ZNF320: variants seen among roughly 807,000 people sequenced by gnomAD.
ZNF320 encodes the protein zinc finger protein 320, also known as zinc finger gene 320.
ZNF320 carries 2 observed loss-of-function variants against 6.8 expected under a neutral mutation model. The ratio of observed to expected loss-of-function variants is 0.29; its 90% CI spans 0.12 to 0.93. ZNF320 has a LOEUF of 0.93. ZNF320 is among the 40% of genes least tolerant of loss of function. The pLI is 0.55. For synonymous variants in ZNF320, 208 were observed against 203.2 expected, an observed-to-expected ratio of 1.02 and a Z score of -0.20; for missense variants, 472 against 611.0, an observed-to-expected ratio of 0.77 and a Z score of 2.40.
upstream of ZNF320, chr19:52,897,842 A>G (rs1441940529): frequency 2.6e-5 from 4 of 151,968 alleles, no homozygotes; most frequent in South Asian, 2.1e-4. Context: ...CCTGGCTGGG[A>G]GAAGAGTCCT....
In ZNF320 at chr19:52,881,920, A is replaced by C; in HGVS notation, c.206T>G (p.Ile69Ser). Residue 69 changes from isoleucine (I) to serine (S), a missense_variant, in exon 6 of 6, where the codon ATC becomes AGC. Ile to Ser is a moderately radical substitution (Grantham distance 142, BLOSUM62 -2). Transcript: ENST00000682928. ...SSTGQGNTEV[I>S]HTGTLQRQAS... is the part of the protein sequence containing the mutation. The stretch of plus-strand genomic sequence containing the variant: ...TTGTCTCTGCAATGTCCCTGTGTGG[A>C]TCACTTCTGTATTGCCTTGCCCTGT... 6.2e-7 allele frequency: 1 copy of C among 1,611,672 alleles called. No homozygotes were observed. Among genetic ancestry groups the C allele is most frequent in the Non-Finnish European group, 8.5e-7 (1 of 1,178,946 alleles).
At chr19:52,860,369 CA>C (rs904891855), downstream of ZNF320, among the ~76,000 whole-genome samples, 3 of 151,996 alleles carry the variant, frequency 2.0e-5, no homozygotes, top group African/African-American at 7.2e-5. Flanking sequence ...AAGGCTGTAC[CA>C]GGGGGATCAC....
chr19:52,882,876 G>T (rs2063965235), intron 5 of ZNF320, among the ~76,000 whole-genome samples: 1 of 151,902 alleles, frequency 6.6e-6, no homozygotes, highest in Non-Finnish European at 1.5e-5. Context: ...GGGAGGCAAA[G>T]ATTGTGGTGA....
rs1206843082 is a variant in ZNF320, at chr19:52,866,148, ATG to A, written c.224-1991_224-1990del. 2.6e-3 allele frequency among the ~76,000 whole-genome samples: 52 copies of A among 20,262 alleles called. 3 individuals carry two copies. Among genetic ancestry groups the A allele is most frequent in the Non-Finnish European group, 3.2e-3 (26 of 8,144 alleles). The allele number at this position is 20,262 out of a possible 152,430, so 13.3% of individuals were successfully genotyped here. On this transcript the variant is annotated intron_variant, in intron 5 of 5. Transcript: ENST00000673631. ...TGTATGATTATACATATATTTATAT[ATG>A]TATGATTATACATATATTTATATAT...
Position 52,868,524 on chromosome 19 carries a change from G to C in ZNF320, c.224-4365C>G, listed in dbSNP as rs896472075. Among the ~76,000 whole-genome samples, 5 of 151,780 alleles carry C rather than the reference G, an allele frequency of 3.3e-5. No individual in the cohort carries two copies. The South Asian group carries it at 8.4e-4, about 25-fold the overall frequency. On this transcript the variant is annotated intron_variant, in intron 5 of 5. Coordinates refer to the ZNF320 transcript ENST00000673631. Reference sequence around the variant, plus strand: ...TCTGTCAAAAAAAAAAAAAAATCTGGAGGCAAATTAACATTATTTCTCAAA... The same window carrying C: ...TCTGTCAAAAAAAAAAAAAAATCTGCAGGCAAATTAACATTATTTCTCAAA...
At chr19:52,886,198 G>A (rs1015700363) in intron 5 of ZNF320, among the ~76,000 whole-genome samples, 6 of 151,954 alleles carry the variant, frequency 3.9e-5, no homozygotes, top group East Asian at 1.9e-4. Context: ...GCAATGGTGC[G>A]ATCTTGGCTC....
chr19:52,880,729 T>C lies in ZNF320; in HGVS notation c.1397A>G (p.Gln466Arg), dbSNP rs765125570. Residue 466 changes from glutamine (Q) to arginine (R), a missense_variant, in exon 6 of 6, where the codon CAG (glutamine) becomes CGG (arginine). This residue lies in a region of ZNF320 where 462 missense variants were observed against 559.7 expected (regional missense o/e 0.83). Transcript: ENST00000682928. ...ACACTGATGACATTTGTAAGATTTCTGTCCAGTATGGATTCTCTGATGCCT... is the reference window on the plus strand; with the variant it reads ...ACACTGATGACATTTGTAAGATTTCCGTCCAGTATGGATTCTCTGATGCCT... ...LIRHQRIHTG[Q>R]KSYKCHQCGK... is the part of the protein sequence containing the mutation. The C allele has an allele frequency of 1.9e-6, 3 of 1,613,868 alleles. No individual in the cohort carries two copies. The African/African-American group carries it at 4.0e-5, about 22-fold the overall frequency.
intron 1 of ZNF320, among the ~76,000 whole-genome samples, chr19:52,896,566 C>T (rs1014727471): frequency 6.6e-6 from 1 of 151,956 alleles, no homozygotes; most frequent in Non-Finnish European, 1.5e-5. Context: ...AAAATTAGCG[C>T]GGTGTGGTGG....
At chr19:52,874,205 G>A (rs577922483), downstream of ZNF320, 14 of 188,204 alleles carry the variant, frequency 7.4e-5, no homozygotes, top group South Asian at 6.0e-4. Context: ...GAGATTATGC[G>A]GAGATAAGAA....
chr19:52,870,401 C>A (rs2063658334), intron 5 of ZNF320, among the ~76,000 whole-genome samples: 1 of 149,400 alleles, frequency 6.7e-6, no homozygotes, highest in African/African-American at 2.5e-5. Context: ...ATGGTGTGAA[C>A]CTGGAGGCGG....
At chr19:52,897,807 C>G (rs944088013), upstream of ZNF320, 3 of 151,184 alleles carry the variant, frequency 2.0e-5, no homozygotes, top group East Asian at 4.0e-4. Flanking sequence ...TGAACAAGGC[C>G]GGGGCGGGGT....
intron 4 of ZNF320, 122 bp from the exon 5 acceptor site, chr19:52,888,375 T>C (rs1484601648): frequency 2.7e-6 from 1 of 375,380 alleles, no homozygotes; most frequent in South Asian, 2.6e-5. Flanking sequence ...CAAATCCAAG[T>C]AAGGGATTCT....
At chr19:52,862,482 G>T in exon 6 of ZNF320, 1 of 352,262 alleles carries the variant, frequency 2.8e-6, no homozygotes, top group Non-Finnish European at 5.8e-6. Context: ...CTGTAAAATT[G>T]GCCACATTTA....
chr19:52,861,567 A>G (rs1033515122), exon 6 of ZNF320, among the ~76,000 whole-genome samples: 1 of 152,106 alleles, frequency 6.6e-6, no homozygotes, highest in African/African-American at 2.4e-5. Context: ...AAGGGATCTA[A>G]CTGCCTTGGC....
the ZNF320 span, among the ~76,000 whole-genome samples, chr19:52,902,983 ATTT>A: frequency 1.2e-4 from 18 of 152,188 alleles, no homozygotes; most frequent in Admixed American, 1.2e-3. Flanking sequence ...TCAAACAATA[ATTT>A]TTTTAACTTT....
At chr19:52,898,150 C>T (rs934084094), upstream of ZNF320, among the ~76,000 whole-genome samples, 4 of 152,218 alleles carry the variant, frequency 2.6e-5, no homozygotes, top group African/African-American at 7.2e-5. Context: ...GCGAAACCTC[C>T]AATTTCCTGC....
chr19:52,860,984 G>A (rs1395929191), exon 6 of ZNF320, among the ~76,000 whole-genome samples: 1 of 150,056 alleles, frequency 6.7e-6, no homozygotes, highest in East Asian at 1.9e-4. Context: ...TAGTCTGGGC[G>A]ACAGAGTGAG....
chr19:52,899,601 T>C (rs1401237667), upstream of ZNF320, among the ~76,000 whole-genome samples: 1 of 152,146 alleles, frequency 6.6e-6, no homozygotes, highest in Admixed American at 6.5e-5. Flanking sequence ...TAGCTGGGAC[T>C]ACAGGTGCTG....
intron 2 of ZNF320, 71 bp from the exon 3 acceptor site, chr19:52,891,417 G>C (rs2064287793): frequency 6.6e-6 from 1 of 151,260 alleles, no homozygotes; most frequent in Non-Finnish European, 1.5e-5. Flanking sequence ...TAACATGATA[G>C]AGATTGATGG....
Sources: allele counts gnomAD v4.1 joint callset (sites outside exome capture counted in the v4.1 genomes callset), GRCh38; gene constraint gnomAD v4.1.1; regional missense constraint gnomAD v4.1.1; transcripts MANE v1.5; gene names NCBI Gene and HGNC (gene_info 2026-07-23, HGNC 2026-07-21).